The following COBL variants were observed in gnomAD, a reference collection of about 807,000 sequenced individuals.
COBL encodes the protein protein cordon-bleu.
A neutral mutation model predicts 98.8 loss-of-function variants in COBL; 51 were observed. The ratio of observed to expected loss-of-function variants is 0.52; its 90% CI spans 0.41 to 0.65. The LOEUF (loss-of-function observed/expected upper bound fraction) is 0.65, where lower values mean the gene tolerates loss of function less well. Among genes scored for constraint, COBL ranks in the 30% least tolerant of loss-of-function variants. The pLI, the probability that COBL is intolerant of heterozygous loss-of-function variation, is 0.00. For missense variants in COBL, 1,617 were observed against 1,617.5 expected, an observed-to-expected ratio of 1.00 and a Z score of 0.01; for synonymous variants, 634 against 651.7, an observed-to-expected ratio of 0.97 and a Z score of 0.41.
At chr7:51,107,092 GTT>G (rs1160414563) in intron 6 of COBL, among the ~76,000 whole-genome samples, 12 of 63,414 alleles carry the variant, frequency 1.9e-4, no homozygotes, top group Admixed American at 8.2e-4. Flanking sequence ...TAGTTTGTTT[GTT>G]TTTTTTTTTT....
chr7:51,027,968 G>A lies in COBL; in HGVS notation c.3128C>T (p.Ala1043Val), dbSNP rs142891237. 4.5e-4 allele frequency: 717 copies of A among 1,608,300 alleles called. 2 individuals carry two copies. The African/African-American group carries it at 5.7e-3, about 13-fold the overall frequency. Residue 1043 changes from alanine to valine, a missense_variant, in exon 10 of 13, where the codon GCC (alanine) becomes GTC (valine). By Grantham distance (64) the Ala-to-Val change is moderately conservative (BLOSUM62 0). This residue lies in a region of COBL where 1,304 missense variants were observed against 1,282.0 expected (regional missense o/e 1.02). Transcript: ENST00000265136. ...SRELVNGSVR[A>V]PGHGEPSHPP... ...GTGGGAAGGCTCGCCGTGGCCTGGG[G>A]CGCGCACAGAGCCATTGACCAGCTC...
At chr7:51,189,307 T>G (rs1036478433) in intron 4 of COBL, among the ~76,000 whole-genome samples, 9 of 152,164 alleles carry the variant, frequency 5.9e-5, no homozygotes, top group Non-Finnish European at 1.3e-4. Context: ...GAGATTCCAC[T>G]ATGATCATGG....
intron 1 of COBL, among the ~76,000 whole-genome samples, chr7:51,293,922 T>C (rs1329286226): frequency 6.6e-6 from 1 of 152,044 alleles, no homozygotes; most frequent in Non-Finnish European, 1.5e-5. Context: ...GGGTGCTGGA[T>C]CATGCACAGT....
At chr7:51,166,645 A>C (rs1787343866) in intron 5 of COBL, among the ~76,000 whole-genome samples, 1 of 152,158 alleles carries the variant, frequency 6.6e-6, no homozygotes, top group African/African-American at 2.4e-5. Flanking sequence ...ACAATGACAC[A>C]TCAACAAAAG....
At chr7:51,115,753 G>T (rs1797218387) in intron 6 of COBL, among the ~76,000 whole-genome samples, 1 of 152,052 alleles carries the variant, frequency 6.6e-6, no homozygotes, top group Admixed American at 6.5e-5. Context: ...GTGTTGGTCA[G>T]ATCCTCTATC....
chr7:51,018,902 AAAAATATATATAT>A (rs1786586041), intron 12 of COBL, among the ~76,000 whole-genome samples: 1 of 52,638 alleles, frequency 1.9e-5, no homozygotes, highest in Non-Finnish European at 3.6e-5. Context: ...AAAAAAAAAA[AAAAATATATATAT>A]ATATATATAT....
intron 5 of COBL, among the ~76,000 whole-genome samples, chr7:51,178,581 GAC>G (rs760743256): frequency 5.3e-5 from 8 of 152,048 alleles, no homozygotes; most frequent in Non-Finnish European, 1.2e-4. Flanking sequence ...GAGAGAGGAA[GAC>G]ACACTCACCG....
In COBL at chr7:51,195,120, G is replaced by C. The variant is rs112414919; in HGVS notation, c.246-1531C>G. 9.2e-3 allele frequency among the ~76,000 whole-genome samples: 1,404 copies of C among 152,192 alleles called. 17 individuals are homozygous for C. Among genetic ancestry groups the C allele is most frequent in the African/African-American group, 0.032 (1,324 of 41,548 alleles). On this transcript the variant is annotated intron_variant, in intron 2 of 12. Transcript: ENST00000265136. ...CCTATGTCCAGAATGGTATTGCCTA[G>C]GTTGTCTTCCAGGGTTTTTATAGTT...
At chr7:51,067,619 T>C (rs1229214966) in intron 7 of COBL, among the ~76,000 whole-genome samples, 4 of 152,228 alleles carry the variant, frequency 2.6e-5, no homozygotes, top group Admixed American at 1.3e-4. Context: ...GAGTCAGCCA[T>C]CTGAGCACAG....
At chr7:51,234,236 G>A (rs1298189403) in intron 1 of COBL, among the ~76,000 whole-genome samples, 1 of 152,196 alleles carries the variant, frequency 6.6e-6, no homozygotes, top group Non-Finnish European at 1.5e-5. Context: ...CCCTGGGCTG[G>A]CGAAACCTGA....
intron 1 of COBL, among the ~76,000 whole-genome samples, chr7:51,241,144 C>G (rs1795750127): frequency 6.6e-6 from 1 of 152,168 alleles, no homozygotes. Context: ...GGTCCTGCAC[C>G]ATCTGTTGTT....
At position 51,085,065 on chromosome 7, in the gene COBL, G is replaced by A. The variant is rs1296448383; in HGVS notation, c.1096+101C>T. 3 of 1,552,552 alleles carry A rather than the reference G, an allele frequency of 1.9e-6. No homozygotes were observed. In the African/African-American group the frequency reaches 4.1e-5, roughly 21 times the overall value. ...TAGCATTAATATTTTTTGGGTTAAT[G>A]TCATTATGGATGAGGCCACTGCAGG... On this transcript the variant is annotated intron_variant, in intron 7 of 12. Coordinates refer to ENST00000265136, the MANE Select transcript of COBL (RefSeq NM_015198.5).
At chr7:51,222,856 G>A (rs1011468799) in intron 1 of COBL, among the ~76,000 whole-genome samples, 5 of 152,142 alleles carry the variant, frequency 3.3e-5, no homozygotes, top group African/African-American at 7.2e-5. Context: ...GGGAGTGAGA[G>A]GCTGGAGAGA....
intron 8 of COBL, 133 bp downstream of exon 8, chr7:51,043,250 G>A (rs1285752252): frequency 5.7e-6 from 4 of 707,862 alleles, no homozygotes; most frequent in Non-Finnish European, 9.5e-6. Context: ...AGCAGCTGCT[G>A]TGAATCAGGG....
intron 10 of COBL, among the ~76,000 whole-genome samples, chr7:51,027,283 CTG>C (rs1787670864): frequency 6.6e-6 from 1 of 152,252 alleles, no homozygotes; most frequent in South Asian, 2.1e-4. Flanking sequence ...ACAATTACTC[CTG>C]TGTTACTGAA....
chr7:51,126,956 C>T (rs763901896), intron 6 of COBL, among the ~76,000 whole-genome samples: 7 of 152,118 alleles, frequency 4.6e-5, no homozygotes, highest in Non-Finnish European at 1.0e-4. Flanking sequence ...CATGTTCACC[C>T]GCTCATAAAT....
At chr7:51,037,243 A>G (rs1042493095) in intron 8 of COBL, among the ~76,000 whole-genome samples, 2 of 152,258 alleles carry the variant, frequency 1.3e-5, no homozygotes, top group Non-Finnish European at 2.9e-5. Context: ...TCAGTTGTAC[A>G]TAACAATACC....
intron 2 of COBL, among the ~76,000 whole-genome samples, chr7:51,202,450 T>A (rs1478143679): frequency 6.6e-6 from 1 of 152,218 alleles, no homozygotes; most frequent in Admixed American, 6.5e-5. Flanking sequence ...AATTAAATTT[T>A]ATTATAGATG....
At position 51,025,141 on chromosome 7, in the gene COBL, G is replaced by A. The variant is rs370542629; in HGVS notation, c.3736C>T (p.Arg1246Cys). Reference protein sequence around the residue: ...DARQALMDAIRSGTGAARLRK... With the variant: ...DARQALMDAICSGTGAARLRK... ...AGTCTCGCAGCCCCTGTGCCGGAGC[G>A]GATGGCGTCCATCAAGGCTTGCCTT... is the stretch of plus-strand genomic sequence containing the variant. Residue 1246 changes from arginine to cysteine, a missense_variant, in exon 12 of 13, where the codon CGC becomes TGC. This residue lies in a region of COBL where 1,304 missense variants were observed against 1,282.0 expected (regional missense o/e 1.02). Coordinates refer to ENST00000265136, the MANE Select transcript of COBL (RefSeq NM_015198.5). 80 of 1,611,776 alleles carry A rather than the reference G, an allele frequency of 5.0e-5. No individual in the cohort carries two copies. The highest frequency in any genetic ancestry group is 8.8e-5 in the South Asian group (8 of 90,972).
Sources: gnomAD v4.1 joint callset for allele counts (sites outside exome capture counted in the v4.1 genomes callset) on GRCh38, gnomAD v4.1.1 for gene constraint, gnomAD v4.1.1 regional missense constraint, MANE v1.5 for transcripts, NCBI Gene and HGNC (gene_info 2026-07-23, HGNC 2026-07-21) for gene names.